LNPEP: variants seen among roughly 807,000 people sequenced by gnomAD.
LNPEP encodes leucyl-cystinyl aminopeptidase.
Under a neutral mutation model 120.6 loss-of-function variants are expected in LNPEP, and 64 were observed. The ratio of observed to expected loss-of-function variants is 0.53; its 90% CI spans 0.43 to 0.65. The LOEUF (loss-of-function observed/expected upper bound fraction) is 0.65, where lower values mean the gene tolerates loss of function less well. Among genes scored for constraint, LNPEP ranks in the 30% least tolerant of loss-of-function variants. The pLI, the probability that LNPEP is intolerant of heterozygous loss-of-function variation, is 0.00. For synonymous variants in LNPEP, 435 were observed against 425.4 expected (o/e 1.02, Z -0.28); for missense variants, 1,057 against 1,200.0 (o/e 0.88, Z 1.76).
intron 16 of LNPEP, among the ~76,000 whole-genome samples, chr5:97,027,018 C>T (rs1561457147): frequency 6.6e-6 from 1 of 152,168 alleles, no homozygotes; most frequent in Admixed American, 6.5e-5. Flanking sequence ...AGCGTGGCTA[C>T]AGACTATTTC....
intron 11 of LNPEP, among the ~76,000 whole-genome samples, chr5:97,007,389 C>T (rs1270933840): frequency 2.0e-5 from 3 of 152,064 alleles, no homozygotes; most frequent in African/African-American, 7.2e-5. Context: ...ATTCCCTCAG[C>T]TGTACAAAAG....
At chr5:96,993,661 A>G (rs556972439) in intron 5 of LNPEP, among the ~76,000 whole-genome samples, 156 bp from the exon 6 acceptor site, 1 of 152,366 alleles carries the variant, frequency 6.6e-6, no homozygotes, top group Admixed American at 6.5e-5. Flanking sequence ...ACATGTGGGT[A>G]GAGAGCATAC....
chr5:96,956,377 G>A (rs1339073890), intron 1 of LNPEP, among the ~76,000 whole-genome samples: 2 of 152,116 alleles, frequency 1.3e-5, no homozygotes, highest in African/African-American at 2.4e-5. Context: ...AATTAGCCAC[G>A]TGTAGTGGCG....
At chr5:97,019,054 C>A (rs1195204214) in intron 13 of LNPEP, among the ~76,000 whole-genome samples, 1 of 152,168 alleles carries the variant, frequency 6.6e-6, no homozygotes, top group Non-Finnish European at 1.5e-5. Flanking sequence ...CAGGAAAGAA[C>A]TCCCTGGGCA....
chr5:96,950,391 A>T (rs907001441), intron 1 of LNPEP, among the ~76,000 whole-genome samples: 6 of 152,224 alleles, frequency 3.9e-5, no homozygotes, highest in African/African-American at 1.4e-4. Flanking sequence ...GAGAGCCACA[A>T]AAACAATTCC....
intron 1 of LNPEP, among the ~76,000 whole-genome samples, chr5:96,964,103 T>A (rs1199439376): frequency 6.6e-6 from 1 of 151,592 alleles, no homozygotes; most frequent in Non-Finnish European, 1.5e-5. Context: ...CTTCTATGAT[T>A]GATATCAACT....
intron 1 of LNPEP, chr5:96,943,112 T>C: frequency 2.7e-6 from 1 of 371,330 alleles, no homozygotes; most frequent in South Asian, 5.4e-5. Context: ...CCACAGTCTT[T>C]CTGAGATTGT....
chr5:96,966,322 C>A (rs1267956614), intron 1 of LNPEP, among the ~76,000 whole-genome samples: 3 of 151,788 alleles, frequency 2.0e-5, no homozygotes, highest in Non-Finnish European at 4.4e-5. Context: ...CATAGTGAGA[C>A]CCTATCTCTA....
chr5:97,006,141 A>C lies in LNPEP; in HGVS notation c.1854A>C (p.Leu618Phe). ...KTWTLQKGFP[L>F]VTVQKKGKEL... is the part of the protein sequence containing the mutation. ...GGACCCTGCAGAAAGGATTTCCTTT[A>C]GTGACTGTTCAAAAGAAAGGAAAGG... The change falls in exon 10 of 18, where the codon TTA becomes TTC. Residue 618 changes from leucine (L) to phenylalanine (F), a missense_variant. Leu to Phe is a conservative substitution (Grantham distance 22). Transcript: ENST00000231368. The C allele has an allele frequency of 6.3e-7, 1 of 1,596,798 alleles. No homozygotes were observed. The highest frequency in any genetic ancestry group is 1.1e-5 in the South Asian group (1 of 89,478).
intron 1 of LNPEP, among the ~76,000 whole-genome samples, chr5:96,954,625 T>TATATATATACAC (rs1187570043): frequency 2.5e-5 from 3 of 121,370 alleles, no homozygotes; most frequent in Admixed American, 8.2e-5. Flanking sequence ...TCTCTATATA[T>TATATATATACAC]ATATATACAT....
rs1477263944 is a variant in LNPEP at position 97,006,113 on chromosome 5, C to A, written c.1826C>A (p.Thr609Asn). 2.5e-6 allele frequency: 4 copies of A among 1,579,312 alleles called. No homozygotes were observed. Among genetic ancestry groups the A allele is most frequent in the Non-Finnish European group, 3.4e-6 (4 of 1,161,582 alleles). Reference sequence around the variant, plus strand: ...CTAGATGTAAAGAGAATGATGAAAACCTGGACCCTGCAGAAAGGATTTCCT... The same window carrying A: ...CTAGATGTAAAGAGAATGATGAAAAACTGGACCCTGCAGAAAGGATTTCCT... ...QTLDVKRMMKTWTLQKGFPLV... is the reference protein window; with the variant it reads ...QTLDVKRMMKNWTLQKGFPLV... The change falls in exon 10 of 18, where the codon ACC (threonine) becomes AAC (asparagine). Residue 609 changes from threonine to asparagine, a missense_variant. By Grantham distance (65) the Thr-to-Asn change is moderately conservative (BLOSUM62 0). Transcript: ENST00000231368.
In LNPEP at chr5:96,942,944, C is replaced by T. The variant is rs146078112; in HGVS notation, c.19+6770C>T. 1,220 of 157,664 alleles carry T rather than the reference C, an allele frequency of 7.7e-3. 17 individuals carry two copies. Among genetic ancestry groups the T allele is most frequent in the African/African-American group, 0.027 (1,125 of 41,644 alleles). The allele number at this position is 157,664 out of a possible 1,614,324, so 9.8% of individuals were successfully genotyped here. A position where few individuals can be genotyped will look rare whatever the true frequency, so the allele number is the denominator to read the frequency against. ...TAAAATCCTTGGAGAAGGTGTGTGC[C>T]GACTTGATCAATGGATCAAAGGAAA... On this transcript the variant is annotated intron_variant, in intron 1 of 17. Coordinates refer to ENST00000231368, the MANE Select transcript of LNPEP (RefSeq NM_005575.3).
At chr5:96,940,027 T>A (rs1223449735) in intron 1 of LNPEP, among the ~76,000 whole-genome samples, 1 of 152,180 alleles carries the variant, frequency 6.6e-6, no homozygotes, top group African/African-American at 2.4e-5. Flanking sequence ...ATAAGTTAAA[T>A]CCTGTTTTTA....
chr5:96,972,874 G>A (rs1193394526), intron 1 of LNPEP, among the ~76,000 whole-genome samples: 2 of 151,990 alleles, frequency 1.3e-5, no homozygotes, highest in Non-Finnish European at 2.9e-5. Flanking sequence ...CTCTTCACAA[G>A]GGAGACAAAG....
At chr5:97,002,140 AAAATAAAT>A (rs1180935858) in intron 8 of LNPEP, among the ~76,000 whole-genome samples, 9 of 152,072 alleles carry the variant, frequency 5.9e-5, no homozygotes, top group Non-Finnish European at 7.4e-5. Flanking sequence ...ACTTCATCTC[AAAATAAAT>A]AAATAAATAA....
At chr5:96,973,286 C>A (rs947170805) in intron 1 of LNPEP, among the ~76,000 whole-genome samples, 3 of 151,688 alleles carry the variant, frequency 2.0e-5, no homozygotes, top group African/African-American at 7.3e-5. Flanking sequence ...AAAAAATCAC[C>A]TTTTTTTTGT....
At position 97,033,929 on chromosome 5, in the gene LNPEP, T is replaced by G. The variant is rs1227390407; in HGVS notation, c.*5396T>G. 6.6e-5 allele frequency: 10 copies of G among 152,132 alleles called. No individual in the cohort carries two copies. The highest frequency in any genetic ancestry group is 6.6e-4 in the Admixed American group (10 of 15,260). 9.4% of individuals were successfully genotyped at this position (152,132 alleles called of 1,614,324 possible). On this transcript the variant is annotated 3_prime_UTR_variant, in exon 18 of 18. Transcript: ENST00000231368. The stretch of plus-strand genomic sequence containing the variant: ...TATGGGCAATAATTTTAAAGTAGTT[T>G]GGATTTTTTTAAGTTTTGAGGGGTG...
intron 2 of LNPEP, among the ~76,000 whole-genome samples, chr5:96,980,846 A>G (rs1359815764): frequency 6.6e-6 from 1 of 152,238 alleles, no homozygotes; most frequent in African/African-American, 2.4e-5. Context: ...AGTATTCTAC[A>G]TCTAAAGGAA....
chr5:97,010,454 G>GA, intron 11 of LNPEP: 1 of 985,178 alleles, frequency 1.0e-6, no homozygotes, highest in Non-Finnish European at 1.2e-6. Context: ...AAAGGAGAAA[G>GA]AAAGGGGTAT....
Sources: allele counts gnomAD v4.1 joint callset (sites outside exome capture counted in the v4.1 genomes callset), GRCh38; gene constraint gnomAD v4.1.1; transcripts MANE v1.5; gene names NCBI Gene and HGNC (gene_info 2026-07-23, HGNC 2026-07-21).